Variants in CEP83 observed in about 807,000 individuals in gnomAD.
CEP83 encodes the protein centrosomal protein 83.
Under a neutral mutation model 101.9 loss-of-function variants are expected in CEP83, and 70 were observed. The observed-to-expected ratio is 0.69, with a 90% confidence interval of 0.57 to 0.84. The LOEUF (loss-of-function observed/expected upper bound fraction) is 0.84. Among genes scored for constraint, CEP83 ranks in the 40% least tolerant of loss-of-function variants. CEP83 has a pLI of 0.00. For synonymous variants in CEP83, 264 were observed against 267.9 expected (o/e 0.99, Z 0.14); for missense variants, 715 against 787.2 (o/e 0.91, Z 1.10).
intron 11 of CEP83, among the ~76,000 whole-genome samples, chr12:94,353,856 G>C (rs890043583): frequency 9.6e-6 from 1 of 104,712 alleles, no homozygotes; most frequent in African/African-American, 2.9e-5. Flanking sequence ...AAAAAGAACT[G>C]TAAAAAAAAA....
intron 11 of CEP83, among the ~76,000 whole-genome samples, chr12:94,336,562 C>A (rs2059455767): frequency 6.6e-6 from 1 of 152,048 alleles, no homozygotes; most frequent in Non-Finnish European, 1.5e-5. Context: ...ACGAACCAAC[C>A]CAAATCATGG....
At chr12:94,383,803 T>C (rs2061982960) in intron 6 of CEP83, among the ~76,000 whole-genome samples, 1 of 152,164 alleles carries the variant, frequency 6.6e-6, no homozygotes, top group African/African-American at 2.4e-5. Flanking sequence ...CTAGTTATTA[T>C]ATTTATGTAA....
At chr12:94,452,151 T>C (rs1183961545) in intron 1 of CEP83, among the ~76,000 whole-genome samples, 1 of 152,148 alleles carries the variant, frequency 6.6e-6, no homozygotes, top group Non-Finnish European at 1.5e-5. Flanking sequence ...TTTATAGTGA[T>C]AGAAAGTAGA....
chr12:94,443,823 C>A (rs2066600705), intron 1 of CEP83, among the ~76,000 whole-genome samples: 1 of 152,054 alleles, frequency 6.6e-6, no homozygotes, highest in Admixed American at 6.6e-5. Flanking sequence ...TGCACTTTTC[C>A]CCTCCAGATG....
chr12:94,457,378 T>A (rs1167571505), intron 1 of CEP83, among the ~76,000 whole-genome samples: 1 of 152,184 alleles, frequency 6.6e-6, no homozygotes, highest in Non-Finnish European at 1.5e-5. Context: ...AAAAGCAAGC[T>A]CATCTACTTT....
At chr12:94,397,188 T>A (rs1476235529) in intron 6 of CEP83, among the ~76,000 whole-genome samples, 2 of 152,274 alleles carry the variant, frequency 1.3e-5, no homozygotes, top group East Asian at 3.9e-4. Context: ...AAGACTATCA[T>A]AAAACATCAC....
At chr12:94,285,831 G>A in the CEP83 span, among the ~76,000 whole-genome samples, 2 of 152,182 alleles carry the variant, frequency 1.3e-5, no homozygotes, top group Non-Finnish European at 2.9e-5. Context: ...CAGACTCCAA[G>A]GCCCTCCTCT....
chr12:94,323,325 T>C (rs1360429808), intron 14 of CEP83, among the ~76,000 whole-genome samples: 1 of 152,042 alleles, frequency 6.6e-6, no homozygotes, highest in Non-Finnish European at 1.5e-5. Context: ...CTCCACATAA[T>C]TCTGTGTAAC....
intron 13 of CEP83, among the ~76,000 whole-genome samples, chr12:94,332,548 C>T (rs1160434000): frequency 6.6e-6 from 1 of 152,044 alleles, no homozygotes; most frequent in African/African-American, 2.4e-5. Flanking sequence ...ATTTAGAAAC[C>T]AATGATTAAT....
chr12:94,328,487 G>A (rs1042248920), intron 14 of CEP83, among the ~76,000 whole-genome samples: 2 of 152,138 alleles, frequency 1.3e-5, no homozygotes, highest in African/African-American at 4.8e-5. Context: ...AACTCCAAAG[G>A]ATTATTTCTG....
At chr12:94,284,087 GAA>G in the CEP83 span, among the ~76,000 whole-genome samples, 20 of 82,686 alleles carry the variant, frequency 2.4e-4, no homozygotes, top group African/African-American at 3.8e-4. Context: ...CATGTCAGGG[GAA>G]AAAAAAAAAA....
chr12:94,338,435 C>T (rs891636125), intron 11 of CEP83, among the ~76,000 whole-genome samples: 3 of 152,086 alleles, frequency 2.0e-5, no homozygotes, highest in Non-Finnish European at 4.4e-5. Context: ...ACTGGAAGCA[C>T]AAACGGGGCT....
chr12:94,403,143 G>A, intron 5 of CEP83, 27 bp downstream of exon 5: 3 of 1,112,458 alleles, frequency 2.7e-6, no homozygotes, highest in Non-Finnish European at 4.1e-6. Flanking sequence ...GAGGATAAAT[G>A]CATAGTAAAC....
chr12:94,349,269 G>A (rs1287640769), intron 11 of CEP83, among the ~76,000 whole-genome samples: 11 of 141,456 alleles, frequency 7.8e-5, no homozygotes, highest in African/African-American at 3.0e-4. Context: ...TGGGTGACAA[G>A]AGCAAGACTC....
chr12:94,420,827 A>G (rs949227148), intron 2 of CEP83, among the ~76,000 whole-genome samples: 8 of 152,312 alleles, frequency 5.3e-5, no homozygotes, highest in African/African-American at 1.7e-4. Context: ...TTTAAAAATT[A>G]AATACAAGCA....
intron 11 of CEP83, among the ~76,000 whole-genome samples, chr12:94,340,475 C>A (rs1593255774): frequency 6.6e-6 from 1 of 150,806 alleles, no homozygotes; most frequent in Admixed American, 6.6e-5. Context: ...CTCACTCTGT[C>A]ACCCAGGCTG....
At chr12:94,418,496 A>G in intron 2 of CEP83, among the ~76,000 whole-genome samples, 1 of 152,230 alleles carries the variant, frequency 6.6e-6, no homozygotes, top group Non-Finnish European at 1.5e-5. Flanking sequence ...TGAACAATAG[A>G]CAGAAAATAG....
chr12:94,402,599 A>C (rs2063319644), intron 5 of CEP83, among the ~76,000 whole-genome samples: 1 of 152,126 alleles, frequency 6.6e-6, no homozygotes, highest in Non-Finnish European at 1.5e-5. Context: ...TATTCAAGGC[A>C]AAAGAGATGT....
intron 11 of CEP83, among the ~76,000 whole-genome samples, chr12:94,343,784 C>T (rs1190488937): frequency 2.0e-5 from 3 of 151,838 alleles, no homozygotes; most frequent in African/African-American, 2.4e-5. Flanking sequence ...TGAGCCACCG[C>T]GCCCAGCCGA....
Sources: gnomAD v4.1 joint callset for allele counts (sites outside exome capture counted in the v4.1 genomes callset) on GRCh38, gnomAD v4.1.1 for gene constraint, MANE v1.5 for transcripts, NCBI Gene and HGNC (gene_info 2026-07-23, HGNC 2026-07-21) for gene names.